ZNF766: variants seen among roughly 807,000 people sequenced by gnomAD.
ZNF766 encodes the protein zinc finger protein 766.
Under a neutral mutation model 13.2 loss-of-function variants are expected in ZNF766, and 13 were observed. That is an observed-to-expected ratio of 0.98 (90% CI 0.64 to 1.56). The LOEUF (loss-of-function observed/expected upper bound fraction) is 1.56. ZNF766 is among the 40% of genes most tolerant of loss of function. The pLI, the probability that ZNF766 is intolerant of heterozygous loss-of-function variation, is 0.00. For missense variants in ZNF766, 521 were observed against 552.2 expected (o/e 0.94, Z 0.57); for synonymous variants, 178 against 187.6 (o/e 0.95, Z 0.42).
chr19:52,277,552 A>G (rs746607225), intron 1 of ZNF766: 1 of 1,563,932 alleles, frequency 6.4e-7, no homozygotes, highest in Non-Finnish European at 8.6e-7. Flanking sequence ...GTAAAGTGAT[A>G]TTCTCAGTAG....
chr19:52,290,630 T>A lies in ZNF766; in HGVS notation c.839T>A (p.Phe280Tyr), dbSNP rs1982088048. 1.9e-6 allele frequency: 3 copies of A among 1,614,058 alleles called. No homozygotes were observed. In the East Asian group the frequency reaches 6.7e-5, roughly 36 times the overall value. The part of the protein sequence containing the change: ...PYKCNECGKV[F>Y]SRITYLVRHQ... ...AAATGTAATGAGTGTGGCAAGGTCTTCAGTCGAATTACATACCTTGTACGA... is the reference window on the plus strand; with the variant it reads ...AAATGTAATGAGTGTGGCAAGGTCTACAGTCGAATTACATACCTTGTACGA... Residue 280 changes from phenylalanine (F) to tyrosine (Y), a missense_variant, in exon 4 of 4, where the codon TTC becomes TAC. Phe to Tyr is a conservative substitution (Grantham distance 22). Coordinates refer to ENST00000439461, the MANE Select transcript of ZNF766 (RefSeq NM_001010851.3).
At chr19:52,282,878 T>C (rs1209360486) in intron 2 of ZNF766, among the ~76,000 whole-genome samples, 1 of 152,194 alleles carries the variant, frequency 6.6e-6, no homozygotes, top group Non-Finnish European at 1.5e-5. Context: ...TATTACACAG[T>C]TCCCTACGCA....
At chr19:52,282,422 G>A in intron 2 of ZNF766, 185 bp downstream of exon 2, 3 of 554,708 alleles carry the variant, frequency 5.4e-6, no homozygotes, top group Non-Finnish European at 8.7e-6. Context: ...GATTGCTTGA[G>A]GTCAGGAGTT....
chr19:52,278,787 TGC>T (rs1266117847), intron 1 of ZNF766, among the ~76,000 whole-genome samples: 1 of 152,224 alleles, frequency 6.6e-6, no homozygotes, highest in Non-Finnish European at 1.5e-5. Flanking sequence ...CTTTGTTAGA[TGC>T]ATAGTTCGCA....
intron 3 of ZNF766, 80 bp downstream of exon 3, chr19:52,283,493 G>A: frequency 6.9e-7 from 1 of 1,451,944 alleles, no homozygotes; most frequent in East Asian, 2.6e-5. Flanking sequence ...ACACTGGAGT[G>A]CATTGGCCAT....
chr19:52,279,830 CTT>C (rs1981401805), intron 1 of ZNF766, among the ~76,000 whole-genome samples: 1 of 103,868 alleles, frequency 9.6e-6, no homozygotes, highest in Admixed American at 1.4e-4. Context: ...GAGTCTCACT[CTT>C]TTGCCTAGGC....
rs558637948 is a variant in ZNF766 at position 52,277,137 on chromosome 19, A to G, written c.19-4974A>G. On this transcript the variant is annotated intron_variant, in intron 1 of 3. Coordinates refer to ENST00000439461, the MANE Select transcript of ZNF766 (RefSeq NM_001010851.3). ...ATGTTGATTCTAAACCCTAAACAGC[A>G]TATTTTTGACATTCAGGATTGACTT... The G allele has an allele frequency of 7.5e-6, 8 of 1,065,416 alleles. No homozygotes were observed. The South Asian group carries it at 1.6e-4, about 21-fold the overall frequency. The allele number at this position is 1,065,416 out of a possible 1,614,324, so 66.0% of individuals were successfully genotyped here.
At chr19:52,270,586 G>C (rs1217185274) in intron 1 of ZNF766, among the ~76,000 whole-genome samples, 1 of 152,054 alleles carries the variant, frequency 6.6e-6, no homozygotes, top group African/African-American at 2.4e-5. Context: ...CCGGTGACAA[G>C]GAGGGCAAAG....
intron 3 of ZNF766, among the ~76,000 whole-genome samples, chr19:52,287,525 C>T (rs1303701009): frequency 1.3e-5 from 2 of 152,222 alleles, no homozygotes; most frequent in Non-Finnish European, 2.9e-5. Flanking sequence ...TGGTTCACCT[C>T]CTCAACCTTA....
intron 3 of ZNF766, among the ~76,000 whole-genome samples, chr19:52,287,038 T>C (rs1335793507): frequency 6.6e-6 from 1 of 152,130 alleles, no homozygotes; most frequent in South Asian, 2.1e-4. Context: ...TTTCACTATG[T>C]TGGCCAAGCT....
chr19:52,280,560 A>C (rs571251998), intron 1 of ZNF766, among the ~76,000 whole-genome samples: 12 of 152,162 alleles, frequency 7.9e-5, no homozygotes, highest in Admixed American at 4.6e-4. Context: ...ATTTTATAAG[A>C]ATTTTTTAAT....
chr19:52,276,700 C>G (rs1471281180), intron 1 of ZNF766, among the ~76,000 whole-genome samples: 1 of 152,136 alleles, frequency 6.6e-6, no homozygotes. Flanking sequence ...CAGTACTGTT[C>G]CAAGTTTCAT....
chr19:52,293,423 C>G lies in ZNF766; in HGVS notation c.*2225C>G, dbSNP rs80178730. ...GTCCTGACCTCGGGTGATCCAGCCA[C>G]CTCGGGTTCCCGAAGTGCTAAGATT... On this transcript the variant is annotated 3_prime_UTR_variant, in exon 4 of 4. Coordinates refer to ENST00000439461, the MANE Select transcript of ZNF766 (RefSeq NM_001010851.3). 6.6e-6 allele frequency: 1 copy of G among 152,036 alleles called. No homozygotes were observed. Among genetic ancestry groups the G allele is most frequent in the Non-Finnish European group, 1.5e-5 (1 of 68,028 alleles). The allele number at this position is 152,036 out of a possible 1,614,324, so 9.4% of individuals were successfully genotyped here.
At chr19:52,286,322 CT>C (rs1164613687) in intron 3 of ZNF766, among the ~76,000 whole-genome samples, 717 of 119,772 alleles carry the variant, frequency 6.0e-3, no homozygotes, top group Non-Finnish European at 8.4e-3. Context: ...GTTTTTCTTT[CT>C]TTTTTTTTTT....
At chr19:52,290,000 CAAA>C in intron 3 of ZNF766, 63 bp from the exon 4 acceptor site, 1 of 1,510,402 alleles carries the variant, frequency 6.6e-7, no homozygotes, top group Non-Finnish European at 8.9e-7. Context: ...GACTCCAACT[CAAA>C]AAAAGTGCAA....
intron 1 of ZNF766, among the ~76,000 whole-genome samples, 192 bp downstream of exon 1, chr19:52,269,823 G>A (rs1250929752): frequency 6.6e-6 from 1 of 152,152 alleles, no homozygotes; most frequent in African/African-American, 2.4e-5. Flanking sequence ...CTGCCGTAGG[G>A]CTGCGTAGGC....
rs1311716010 is a variant in ZNF766, at chr19:52,292,238, A to G, written c.*1040A>G. The G allele has an allele frequency of 2.0e-5, 14 of 699,014 alleles. No individual in the cohort carries two copies. Among genetic ancestry groups the G allele is most frequent in the Non-Finnish European group, 3.1e-5 (12 of 383,950 alleles). 43.3% of individuals were successfully genotyped at this position (699,014 alleles called of 1,614,324 possible). On this transcript the variant is annotated 3_prime_UTR_variant, in exon 4 of 4. Coordinates refer to ENST00000439461, the MANE Select transcript of ZNF766 (RefSeq NM_001010851.3). Reference sequence around the variant, plus strand: ...CGTTTCTATCCAGTTTCCTGGAGGAATAAGGACACTGCCTTTTCAGATTAA... The same window carrying G: ...CGTTTCTATCCAGTTTCCTGGAGGAGTAAGGACACTGCCTTTTCAGATTAA...
chr19:52,277,293 A>G (rs1324036328), intron 1 of ZNF766: 16 of 981,750 alleles, frequency 1.6e-5, no homozygotes, highest in Non-Finnish European at 2.3e-5. Context: ...CCCCGTCTCT[A>G]CTACGAATAC....
chr19:52,273,254 C>T lies in ZNF766; in HGVS notation c.18+3623C>T, dbSNP rs532982725. On this transcript the variant is annotated intron_variant, in intron 1 of 3. Coordinates refer to ENST00000439461, the MANE Select transcript of ZNF766 (RefSeq NM_001010851.3). The stretch of plus-strand genomic sequence containing the variant: ...CGATCTCTTGACCTTGTGATCTGCC[C>T]GCCTTGGCCTCCCAAAGTGCTGGGA... 5.9e-5 allele frequency among the ~76,000 whole-genome samples: 9 copies of T among 152,260 alleles called. No individual in the cohort carries two copies. In the South Asian group the frequency reaches 8.3e-4, roughly 14 times the overall value.
Sources: allele counts gnomAD v4.1 joint callset (sites outside exome capture counted in the v4.1 genomes callset), GRCh38; gene constraint gnomAD v4.1.1; transcripts MANE v1.5; gene names NCBI Gene and HGNC (gene_info 2026-07-23, HGNC 2026-07-21).